ROBO1: variants seen among roughly 807,000 people sequenced by gnomAD.
ROBO1 encodes roundabout guidance receptor 1.
Under a neutral mutation model 195.9 loss-of-function variants are expected in ROBO1, and 149 were observed. The observed-to-expected ratio is 0.76, with a 90% CI of 0.67 to 0.87. The LOEUF is 0.87. ROBO1 is among the 40% of genes least tolerant of loss of function. The pLI, the probability that ROBO1 is intolerant of heterozygous loss-of-function variation, is 0.00. For synonymous variants in ROBO1, 816 were observed against 733.2 expected (o/e 1.11, Z -1.82); for missense variants, 1,933 against 2,068.3 (o/e 0.93, Z 1.27).
intron 2 of ROBO1, among the ~76,000 whole-genome samples, chr3:79,250,584 G>A (rs758587493): frequency 2.0e-5 from 3 of 151,940 alleles, no homozygotes; most frequent in Non-Finnish European, 2.9e-5. Flanking sequence ...CTGTATCTCA[G>A]TTTTAAAGGA....
At position 78,786,672 on chromosome 3, in the gene ROBO1, TA is replaced by T. The variant is rs566711198; in HGVS notation, c.500-39773del. On this transcript the variant is annotated intron_variant, in intron 4 of 30. Transcript: ENST00000464233. ...AGTCTCACGAGATCTGATGGTTTTA[TA>T]AAGGCAGTTCCCTTGCACATGTTCT... Among the ~76,000 whole-genome samples the T allele has an allele frequency of 1.4e-4, 22 of 152,232 alleles. No homozygotes were observed. In the South Asian group the frequency reaches 4.4e-3, roughly 30 times the overall value.
At chr3:79,072,639 G>A (rs1037574448) in intron 3 of ROBO1, among the ~76,000 whole-genome samples, 6 of 151,790 alleles carry the variant, frequency 4.0e-5, no homozygotes, top group Admixed American at 6.6e-5. Context: ...AACATTCTTC[G>A]CCACTCAATA....
intron 4 of ROBO1, among the ~76,000 whole-genome samples, chr3:78,804,784 G>C (rs915210456): frequency 1.3e-5 from 2 of 149,582 alleles, no homozygotes; most frequent in African/African-American, 4.9e-5. Context: ...AATCCACTTA[G>C]GGCTTGGCAA....
chr3:79,602,937 T>A (rs759740859), intron 1 of ROBO1, among the ~76,000 whole-genome samples: 2 of 151,964 alleles, frequency 1.3e-5, no homozygotes, highest in Non-Finnish European at 2.9e-5. Context: ...TTGGCTCAAC[T>A]CTTTTAATAG....
chr3:79,659,017 G>C (rs149114380), intron 1 of ROBO1, among the ~76,000 whole-genome samples: 1 of 151,922 alleles, frequency 6.6e-6, no homozygotes, highest in East Asian at 1.9e-4. Flanking sequence ...TTACAGGTGT[G>C]AGCCACTGCA....
intron 28 of ROBO1, among the ~76,000 whole-genome samples, chr3:78,611,628 A>G (rs1378869450): frequency 1.3e-5 from 2 of 152,188 alleles, no homozygotes; most frequent in African/African-American, 4.8e-5. Context: ...GTTTGGCCAC[A>G]ATGCCGGGTG....
chr3:79,409,190 T>C (rs2037670884), intron 2 of ROBO1, among the ~76,000 whole-genome samples: 1 of 152,120 alleles, frequency 6.6e-6, no homozygotes, highest in South Asian at 2.1e-4. Context: ...ATGCAATCTA[T>C]TTTGAAGTGG....
intron 2 of ROBO1, among the ~76,000 whole-genome samples, chr3:79,306,784 T>A (rs544381620): frequency 2.0e-5 from 3 of 152,296 alleles, no homozygotes; most frequent in Non-Finnish European, 2.9e-5. Flanking sequence ...TAAAACCTAT[T>A]CAAGAGTAAA....
chr3:79,324,662 G>T (rs1013239143), intron 2 of ROBO1, among the ~76,000 whole-genome samples: 4 of 152,032 alleles, frequency 2.6e-5, no homozygotes, highest in African/African-American at 9.7e-5. Context: ...AGAAAGAGAG[G>T]TGGCCTCATA....
At chr3:79,690,657 T>A (rs1376358343) in intron 1 of ROBO1, among the ~76,000 whole-genome samples, 3 of 151,958 alleles carry the variant, frequency 2.0e-5, no homozygotes, top group Non-Finnish European at 2.9e-5. Context: ...CTTTTTCCAT[T>A]AGTCATGTTT....
chr3:79,620,008 T>A (rs1211023676), intron 1 of ROBO1, among the ~76,000 whole-genome samples: 2 of 152,158 alleles, frequency 1.3e-5, no homozygotes, highest in East Asian at 3.9e-4. Flanking sequence ...CAGCCACATC[T>A]CCAGCATACA....
chr3:78,644,429 T>C (rs1706155023), intron 21 of ROBO1, among the ~76,000 whole-genome samples: 1 of 152,160 alleles, frequency 6.6e-6, no homozygotes, highest in African/African-American at 2.4e-5. Context: ...AATAAATAAT[T>C]CTAAAATTTT....
chr3:78,756,389 CA>C (rs2082932676), intron 4 of ROBO1, among the ~76,000 whole-genome samples: 1 of 152,092 alleles, frequency 6.6e-6, no homozygotes, highest in African/African-American at 2.4e-5. Flanking sequence ...GAACTAATAA[CA>C]TATTAAAGAA....
At chr3:78,724,188 A>G (rs748252131) in intron 5 of ROBO1, among the ~76,000 whole-genome samples, 4 of 152,182 alleles carry the variant, frequency 2.6e-5, no homozygotes, top group African/African-American at 4.8e-5. Context: ...ATAAATTCAA[A>G]TTAATTTTGG....
At position 78,606,766 on chromosome 3, in the gene ROBO1, C is replaced by T. The variant is rs551952594; in HGVS notation, c.4711G>A (p.Asp1571Asn). Reference protein sequence around the residue: ...KGRGNKAAKRDLPPAKTHLIQ... With the variant: ...KGRGNKAAKRNLPPAKTHLIQ... Reference sequence around the variant, plus strand: ...AGATGAGTCTTTGCTGGTGGAAGGTCTCGTTTTGCTGCCTTGTTTCCACGT... The same window carrying T: ...AGATGAGTCTTTGCTGGTGGAAGGTTTCGTTTTGCTGCCTTGTTTCCACGT... The change falls in exon 29 of 31, where the codon GAC becomes AAC. Residue 1571 changes from aspartate to asparagine, a missense_variant. This residue lies in a region of ROBO1 where 1,737 missense variants were observed against 1,882.5 expected (regional missense o/e 0.92). Coordinates refer to ENST00000464233, the MANE Select transcript of ROBO1 (RefSeq NM_002941.4). 3.7e-6 allele frequency: 6 copies of T among 1,613,854 alleles called. No homozygotes were observed. The East Asian group carries it at 1.1e-4, about 30-fold the overall frequency.
At chr3:79,583,211 C>T (rs1021453555) in intron 2 of ROBO1, among the ~76,000 whole-genome samples, 1 of 151,946 alleles carries the variant, frequency 6.6e-6, no homozygotes, top group Non-Finnish European at 1.5e-5. Context: ...TTTTTAGTTA[C>T]AAGCCATTAA....
chr3:79,161,135 CA>C (rs1303641952), intron 2 of ROBO1, among the ~76,000 whole-genome samples: 1 of 151,828 alleles, frequency 6.6e-6, no homozygotes, highest in African/African-American at 2.4e-5. Context: ...AAAACAATAC[CA>C]TGTATAATTG....
chr3:79,438,208 C>G (rs947690091), intron 2 of ROBO1, among the ~76,000 whole-genome samples: 1 of 151,452 alleles, frequency 6.6e-6, no homozygotes, highest in Non-Finnish European at 1.5e-5. Context: ...ATTTAAATAC[C>G]TGCATTTTTA....
At chr3:79,352,794 C>T (rs903635022) in intron 2 of ROBO1, among the ~76,000 whole-genome samples, 1 of 151,400 alleles carries the variant, frequency 6.6e-6, no homozygotes, top group African/African-American at 2.4e-5. Context: ...GCAAGATGGC[C>T]GAATAAGATT....
Sources: gnomAD v4.1 joint callset for allele counts (sites outside exome capture counted in the v4.1 genomes callset) on GRCh38, gnomAD v4.1.1 for gene constraint, gnomAD v4.1.1 regional missense constraint, MANE v1.5 for transcripts, NCBI Gene and HGNC (gene_info 2026-07-23, HGNC 2026-07-21) for gene names.